SERPINB10: variants seen among roughly 807,000 people sequenced by gnomAD.
The protein encoded by SERPINB10 is serpin B10.
In SERPINB10, 35 loss-of-function variants were observed where a neutral mutation model predicts 39.1. That is an observed-to-expected ratio of 0.90 (90% CI 0.68 to 1.19). SERPINB10 has a LOEUF of 1.19. Among genes scored for constraint, SERPINB10 ranks in the 50% most tolerant of loss-of-function variants. The probability of loss-of-function intolerance (pLI) is 0.00; values close to 1 mark genes in which losing one functional copy is unlikely to be tolerated. For synonymous variants in SERPINB10, 190 were observed against 158.1 expected (o/e 1.20, Z -1.52); for missense variants, 546 against 460.5 (o/e 1.19, Z -1.70).
intron 5 of SERPINB10, among the ~76,000 whole-genome samples, chr18:63,928,683 A>T (rs565106686): frequency 6.6e-6 from 1 of 151,998 alleles, no homozygotes; most frequent in African/African-American, 2.4e-5. Context: ...ATGAACATGG[A>T]ATGTTCTTCC....
In SERPINB10 at chr18:63,935,253, T is replaced by A. The variant is rs769255432; in HGVS notation, c.*11T>A. ...TTATGCTCCCCCTAAATCCTGCATA[T>A]CTCTCAACAAACAAGACCATCTTAC... On this transcript the variant is annotated 3_prime_UTR_variant, in exon 8 of 8. Transcript: ENST00000238508. 7.8e-6 allele frequency: 12 copies of A among 1,548,254 alleles called. No individual in the cohort carries two copies. The Admixed American group carries it at 9.6e-5, about 12-fold the overall frequency.
intron 5 of SERPINB10, among the ~76,000 whole-genome samples, chr18:63,927,820 A>G (rs2050191462): frequency 6.6e-6 from 1 of 152,118 alleles, no homozygotes; most frequent in African/African-American, 2.4e-5. Context: ...TTATTTGTTT[A>G]TATTCACAAG....
intron 6 of SERPINB10, among the ~76,000 whole-genome samples, chr18:63,932,467 C>T (rs73480064): frequency 2.0e-5 from 3 of 152,102 alleles, no homozygotes; most frequent in Non-Finnish European, 4.4e-5. Flanking sequence ...TTGCAATCTC[C>T]TAGTGACATA....
chr18:63,918,519 C>T (rs957319140), intron 4 of SERPINB10, among the ~76,000 whole-genome samples: 1 of 152,002 alleles, frequency 6.6e-6, no homozygotes, highest in Non-Finnish European at 1.5e-5. Flanking sequence ...CCCACCAATG[C>T]AGACCATGAT....
intron 1 of SERPINB10, among the ~76,000 whole-genome samples, chr18:63,909,573 A>G (rs2050049154): frequency 6.6e-6 from 1 of 152,086 alleles, no homozygotes; most frequent in African/African-American, 2.4e-5. Context: ...ATGAGAAATT[A>G]GCTTTTATAA....
At position 63,917,981 on chromosome 18, in the gene SERPINB10, A is replaced by G. The variant is rs536647550; in HGVS notation, c.251A>G (p.Asn84Ser). 1.2e-5 allele frequency: 20 copies of G among 1,611,796 alleles called. No individual in the cohort carries two copies. Among genetic ancestry groups the G allele is most frequent in the Middle Eastern group, 1.6e-4 (1 of 6,064 alleles). ...KKRKMEFNLS[N>S]SEEIHSDFQT... ...CTTTTAAAGGAATTCAACTTGAGCA[A>G]CTCGGAAGAAATACACTCTGATTTC... Residue 84 changes from asparagine (N) to serine (S), a missense_variant, in exon 4 of 8, where the codon AAC becomes AGC. Physicochemically the swap from Asn to Ser is conservative, Grantham distance 46 (BLOSUM62 1). Transcript: ENST00000238508.
chr18:63,915,857 T>C (rs1462249278), intron 2 of SERPINB10, among the ~76,000 whole-genome samples, 179 bp downstream of exon 2: 2 of 152,070 alleles, frequency 1.3e-5, no homozygotes, highest in Non-Finnish European at 2.9e-5. Context: ...GAGAATCAAT[T>C]TGCAAACTGT....
Position 63,935,887 on chromosome 18 carries a change from T to C in SERPINB10, c.*645T>C, listed in dbSNP as rs567969360. On this transcript the variant is annotated 3_prime_UTR_variant, in exon 8 of 8. Transcript: ENST00000238508. ...TTTTCTGCTATTTAAAAAATACTTA[T>C]ATTGACATTAGCTTAAAAAACTAGT... 6 of 152,320 alleles carry C rather than the reference T, an allele frequency of 3.9e-5. No individual in the cohort carries two copies. Among genetic ancestry groups the C allele is most frequent in the Admixed American group, 6.5e-5 (1 of 15,312 alleles). 9.4% of individuals were successfully genotyped at this position (152,320 alleles called of 1,614,324 possible). A position where few individuals can be genotyped will look rare whatever the true frequency, so the allele number is the denominator to read the frequency against.
intron 5 of SERPINB10, among the ~76,000 whole-genome samples, chr18:63,920,868 C>T (rs1230844536): frequency 6.6e-6 from 1 of 151,870 alleles, no homozygotes; most frequent in Non-Finnish European, 1.5e-5. Flanking sequence ...ACCTAAATTT[C>T]AGGGTTTTAT....
At chr18:63,927,947 A>C (rs1453136588) in intron 5 of SERPINB10, among the ~76,000 whole-genome samples, 1 of 152,054 alleles carries the variant, frequency 6.6e-6, no homozygotes, top group Non-Finnish European at 1.5e-5. Flanking sequence ...AACTGTGTGA[A>C]TAGTGTAGAG....
At position 63,934,959 on chromosome 18, in the gene SERPINB10, C is replaced by A. The variant is rs1420279667; in HGVS notation, c.911C>A (p.Ser304Ter). Residue 304 changes from serine to a stop codon, truncating the protein, a stop_gained, in exon 8 of 8, where the codon TCA (serine) becomes TAA (stop). Transcript: ENST00000238508. LOFTEE classifies it high-confidence loss of function. ...CTGGAAGACAGTTATGATCTCAAGT[C>A]AACCCTGAGCAGTATGGGGATGAGT... Reference protein sequence around the residue: ...FKLEDSYDLKSTLSSMGMSDA... With the variant: ...FKLEDSYDLK The A allele has an allele frequency of 1.9e-6, 3 of 1,614,204 alleles. No individual in the cohort carries two copies. Among genetic ancestry groups the A allele is most frequent in the Non-Finnish European group, 2.5e-6 (3 of 1,180,042 alleles).
intron 1 of SERPINB10, among the ~76,000 whole-genome samples, chr18:63,908,997 C>T (rs921864637): frequency 1.3e-5 from 2 of 152,100 alleles, no homozygotes; most frequent in South Asian, 2.1e-4. Context: ...ATCCTTTGCT[C>T]AATCAACCTC....
In SERPINB10 at chr18:63,930,175, T is replaced by C; in HGVS notation, c.621T>C (p.Phe207=). The C allele has an allele frequency of 6.2e-7, 1 of 1,612,894 alleles. No individual in the cohort carries two copies. The highest frequency in any genetic ancestry group is 8.5e-7 in the Non-Finnish European group (1 of 1,179,384). The change falls in exon 6 of 8, where the codon TTT becomes TTC. Residue 207 remains phenylalanine (F), a synonymous_variant. Coordinates refer to ENST00000238508, the MANE Select transcript of SERPINB10 (RefSeq NM_005024.3). ...TGCAAAACACCACAGAAAAGCCTTT[T>C]AGAATAAACGAGGTAGGAAATTTTT... The part of the protein sequence containing the change: ...FLVQNTTEKP[F]RINETTSKPV...
At chr18:63,917,933 A>T in intron 3 of SERPINB10, 32 bp from the exon 4 acceptor site, 1 of 1,600,786 alleles carries the variant, frequency 6.2e-7, no homozygotes, top group Non-Finnish European at 8.5e-7. Context: ...CTTGTTCAAC[A>T]TTTTATTTGA....
intron 5 of SERPINB10, among the ~76,000 whole-genome samples, chr18:63,921,747 G>A (rs1348079688): frequency 6.6e-6 from 1 of 151,714 alleles, no homozygotes; most frequent in African/African-American, 2.4e-5. Context: ...GACATATAAG[G>A]GCCAATATGA....
At chr18:63,931,397 T>C (rs1040708082) in intron 6 of SERPINB10, among the ~76,000 whole-genome samples, 1 of 152,192 alleles carries the variant, frequency 6.6e-6, no homozygotes, top group African/African-American at 2.4e-5. Flanking sequence ...GGGCCATTCA[T>C]GGGCTCTCTC....
chr18:63,915,264 A>G (rs1599076062), intron 1 of SERPINB10, among the ~76,000 whole-genome samples: 1 of 152,096 alleles, frequency 6.6e-6, no homozygotes, highest in African/African-American at 2.4e-5. Flanking sequence ...ACTGACCAGC[A>G]TCCATTTATT....
chr18:63,935,448 A>G lies in SERPINB10; in HGVS notation c.*206A>G, dbSNP rs2050256354. The G allele has an allele frequency of 2.0e-6, 1 of 496,786 alleles. No homozygotes were observed. Among genetic ancestry groups the G allele is most frequent in the East Asian group, 3.2e-5 (1 of 30,848 alleles). 30.8% of individuals were successfully genotyped at this position (496,786 alleles called of 1,614,324 possible). A position where few individuals can be genotyped will look rare whatever the true frequency, so the allele number is the denominator to read the frequency against. The stretch of plus-strand genomic sequence containing the variant: ...GAGAATGACGATTTTTATTTTTAAC[A>G]CGTTAACATTTTGTCTAATGTGACT... On this transcript the variant is annotated 3_prime_UTR_variant, in exon 8 of 8. Transcript: ENST00000238508.
Position 63,930,142 on chromosome 18 carries a change from A to G in SERPINB10, c.588A>G (p.Gln196=), listed in dbSNP as rs144621138. 1.2e-6 allele frequency: 2 copies of G among 1,613,462 alleles called. No individual in the cohort carries two copies. The highest frequency in any genetic ancestry group is 1.7e-6 in the Non-Finnish European group (2 of 1,179,668). ...ACTTTAAAGGAATCTGGGAACATCA[A>G]TTCTTAGTGCAAAACACCACAGAAA... ...ALYFKGIWEH[Q]FLVQNTTEKP... is the part of the protein sequence containing the mutation. The change falls in exon 6 of 8, where the codon CAA becomes CAG. Residue 196 remains glutamine (Q), a synonymous_variant. Transcript: ENST00000238508.
Sources: gnomAD v4.1 joint callset for allele counts (sites outside exome capture counted in the v4.1 genomes callset) on GRCh38, gnomAD v4.1.1 for gene constraint, MANE v1.5 for transcripts, NCBI Gene and HGNC (gene_info 2026-07-23, HGNC 2026-07-21) for gene names.